The following MID2 variants were observed in gnomAD, a reference collection of about 807,000 sequenced individuals.
The protein encoded by MID2 is probable E3 ubiquitin-protein ligase MID2.
Under a neutral mutation model 46.1 loss-of-function variants are expected in MID2, and 13 were observed. That is an observed-to-expected ratio of 0.28 (90% CI 0.18 to 0.45). The LOEUF (loss-of-function observed/expected upper bound fraction) is 0.45, where lower values mean the gene tolerates loss of function less well. Ranked by LOEUF, MID2 falls within the 20% of genes least tolerant of loss-of-function variation. The pLI, the probability that MID2 is intolerant of heterozygous loss-of-function variation, is 1.00. For missense variants in MID2, 431 were observed against 575.4 expected, an observed-to-expected ratio of 0.75 and a Z score of 2.57; for synonymous variants, 199 against 212.3, an observed-to-expected ratio of 0.94 and a Z score of 0.55.
At chrX:107,887,025 T>G (rs2147852521) in intron 3 of MID2, among the ~76,000 whole-genome samples, 1 of 112,108 alleles carries the variant, frequency 8.9e-6, no homozygotes, top group African/African-American at 3.2e-5. Context: ...GATTTTGGGC[T>G]GAGATGATGG....
chrX:107,851,855 TTTTATTTA>T (rs199930811), intron 2 of MID2, among the ~76,000 whole-genome samples: 5,511 of 93,755 alleles, frequency 0.059, 169 homozygotes, highest in African/African-American at 0.12. Flanking sequence ...TCTTTATACT[TTTTATTTA>T]TTTATTTATT....
Position 107,929,288 on chromosome X carries a change from A to C in MID2, c.*2215A>C, listed in dbSNP as rs1042559185. 9.9e-5 allele frequency among the ~76,000 whole-genome samples: 11 copies of C among 110,658 alleles called. No individual in the cohort carries two copies. Among genetic ancestry groups the C allele is most frequent in the Non-Finnish European group, 1.9e-4 (10 of 52,759 alleles). On this transcript the variant is annotated 3_prime_UTR_variant, in exon 10 of 10. Coordinates refer to ENST00000262843, the MANE Select transcript of MID2 (RefSeq NM_012216.4). ...CCCTAGGGCATATCCCCAAATTCTT[A>C]AACAAAAAAAAATGATTTTTTTCCC...
chrX:107,882,118 T>C lies in MID2; in HGVS notation c.817-21840T>C, dbSNP rs1361166300. Among the ~76,000 whole-genome samples, 4 of 112,142 alleles carry C rather than the reference T, an allele frequency of 3.6e-5. No homozygotes were observed. In the East Asian group the frequency reaches 8.3e-4, roughly 23 times the overall value. On this transcript the variant is annotated intron_variant, in intron 3 of 9. Coordinates refer to ENST00000262843, the MANE Select transcript of MID2 (RefSeq NM_012216.4). ...CAAGAAATGGGGAAAGGATTCCCTA[T>C]TTAACAAATGGTGCTGGGAAACTGG...
At chrX:107,869,898 C>A (rs1205862561) in intron 3 of MID2, among the ~76,000 whole-genome samples, 5 of 110,466 alleles carry the variant, frequency 4.5e-5, no homozygotes, top group Non-Finnish European at 9.5e-5. Context: ...AATATTTATA[C>A]CAATTATTTC....
intron 1 of MID2, among the ~76,000 whole-genome samples, chrX:107,837,332 G>A (rs1931229878): frequency 9.0e-6 from 1 of 111,530 alleles, no homozygotes; most frequent in Non-Finnish European, 1.9e-5. Context: ...CAATACATGT[G>A]ACCAACCCAG....
At chrX:107,861,477 A>G (rs1339390609) in intron 3 of MID2, among the ~76,000 whole-genome samples, 1 of 110,699 alleles carries the variant, frequency 9.0e-6, no homozygotes, top group Non-Finnish European at 1.9e-5. Flanking sequence ...AAAATTTGCC[A>G]GGTGTGGTGG....
intron 2 of MID2, among the ~76,000 whole-genome samples, chrX:107,854,253 T>G (rs1438767024): frequency 8.9e-6 from 1 of 112,254 alleles, no homozygotes; most frequent in Non-Finnish European, 1.9e-5. Context: ...GGAAAAGAGA[T>G]AATAATATCT....
chrX:107,836,471 T>G (rs1283801335), intron 1 of MID2, among the ~76,000 whole-genome samples: 1 of 111,458 alleles, frequency 9.0e-6, no homozygotes, highest in African/African-American at 3.3e-5. Flanking sequence ...CAGGATGGTC[T>G]CGATCTCCTG....
chrX:107,851,497 G>T (rs752002971), intron 2 of MID2, among the ~76,000 whole-genome samples: 2 of 111,216 alleles, frequency 1.8e-5, no homozygotes, highest in Non-Finnish European at 3.8e-5. Context: ...GCCTTGAATA[G>T]TGCAGCCTTC....
Position 107,924,471 on chromosome X carries a change from C to A in MID2, c.1564C>A (p.Arg522=). The A allele has an allele frequency of 2.5e-6, 3 of 1,211,549 alleles. No individual in the cohort carries two copies. Among genetic ancestry groups the A allele is most frequent in the Non-Finnish European group, 3.4e-6 (3 of 895,291 alleles). Residue 522 remains arginine, a synonymous_variant, in exon 8 of 10, where the codon CGG becomes AGG. Coordinates refer to ENST00000262843, the MANE Select transcript of MID2 (RefSeq NM_012216.4). ...IVKAINQAGS[R]NSEPTRLKTN... ...TAAAGCCATAAACCAAGCCGGCAGC[C>A]GGAACAGTGAACCTACCCGACTAAA...
At position 107,928,083 on chromosome X, in the gene MID2, G is replaced by C. The variant is rs1933217342; in HGVS notation, c.*1010G>C. Among the ~76,000 whole-genome samples, 1 of 111,676 alleles carries C rather than the reference G, an allele frequency of 9.0e-6. No individual in the cohort carries two copies. The highest frequency in any genetic ancestry group is 1.9e-5 in the Non-Finnish European group (1 of 53,100). On this transcript the variant is annotated 3_prime_UTR_variant, in exon 10 of 10. Transcript: ENST00000262843. ...GTTTTACTACTCCCAAGTACACACA[G>C]TTATGAGAATTAGGCTTTTAAAAAG...
In MID2 at chrX:107,905,552, C is replaced by T. The variant is rs1204000787; in HGVS notation, c.999C>T (p.Ile333=). 6 of 1,206,765 alleles carry T rather than the reference C, an allele frequency of 5.0e-6. No individual in the cohort carries two copies. In the South Asian group the frequency reaches 7.1e-5, roughly 14 times the overall value. ...RQCLERSTVL[I]NQAEHILKEN... is the part of the protein sequence containing the mutation. ...GTCTTGAACGGTCAACAGTCCTCAT[C>T]AACCAAGCTGAGCATATCCTGAAAG... Residue 333 remains isoleucine (I), a synonymous_variant, in exon 5 of 10, where the codon ATC becomes ATT. Coordinates refer to ENST00000262843, the MANE Select transcript of MID2 (RefSeq NM_012216.4).
intron 7 of MID2, among the ~76,000 whole-genome samples, chrX:107,922,996 T>C (rs1230954950): frequency 8.9e-6 from 1 of 112,129 alleles, no homozygotes; most frequent in African/African-American, 3.2e-5. Flanking sequence ...ATCCATATTG[T>C]CTTTTCATTA....
intron 3 of MID2, among the ~76,000 whole-genome samples, chrX:107,890,846 A>T (rs1318949267): frequency 1.8e-5 from 2 of 110,007 alleles, no homozygotes; most frequent in Non-Finnish European, 3.8e-5. Flanking sequence ...CCTTGCTGCC[A>T]CCTTGCAGTT....
At chrX:107,879,561 G>A (rs1932278302) in intron 3 of MID2, among the ~76,000 whole-genome samples, 1 of 111,597 alleles carries the variant, frequency 9.0e-6, no homozygotes, top group African/African-American at 3.3e-5. Flanking sequence ...ACAGGGTGGT[G>A]GGCAGGGTGG....
At chrX:107,898,749 C>A (rs1308707321) in intron 3 of MID2, among the ~76,000 whole-genome samples, 5 of 111,507 alleles carry the variant, frequency 4.5e-5, no homozygotes, top group Non-Finnish European at 9.4e-5. Context: ...ATAAAAACTT[C>A]CCCAAATGAA....
chrX:107,910,805 T>C (rs1932882390), intron 5 of MID2, among the ~76,000 whole-genome samples: 2 of 26,390 alleles, frequency 7.6e-5, no homozygotes, highest in Admixed American at 4.2e-4. Flanking sequence ...TTCCTTTCCT[T>C]TCCTTTCCTT....
At chrX:107,885,944 C>A (rs989842360) in intron 3 of MID2, among the ~76,000 whole-genome samples, 2 of 111,510 alleles carry the variant, frequency 1.8e-5, no homozygotes, top group Non-Finnish European at 3.8e-5. Context: ...CTGTTCATAT[C>A]CTTTGCCCAC....
At chrX:107,858,102 A>C (rs1290992746) in intron 3 of MID2, among the ~76,000 whole-genome samples, 1 of 112,262 alleles carries the variant, frequency 8.9e-6, no homozygotes, top group Non-Finnish European at 1.9e-5. Context: ...TTATAACAGA[A>C]ACAGAGATTA....
Sources: gnomAD v4.1 joint callset for allele counts (sites outside exome capture counted in the v4.1 genomes callset) on GRCh38, gnomAD v4.1.1 for gene constraint, MANE v1.5 for transcripts, NCBI Gene and HGNC (gene_info 2026-07-23, HGNC 2026-07-21) for gene names.